The following DENND1B variants were observed in gnomAD, a reference collection of about 807,000 sequenced individuals.
DENND1B encodes DENN domain-containing protein 1B.
A neutral mutation model predicts 90.1 loss-of-function variants in DENND1B; 59 were observed. That is an observed-to-expected ratio of 0.65 (90% CI 0.53 to 0.81). The LOEUF is 0.81. DENND1B is among the 40% of genes least tolerant of loss of function. DENND1B has a pLI of 0.00. For synonymous variants in DENND1B, 337 were observed against 324.6 expected (o/e 1.04, Z -0.41); for missense variants, 862 against 912.6 (o/e 0.94, Z 0.71).
intron 5 of DENND1B, among the ~76,000 whole-genome samples, chr1:197,669,257 A>C (rs2125980309): frequency 6.6e-6 from 1 of 152,220 alleles, no homozygotes; most frequent in South Asian, 2.1e-4. Context: ...CTGCCACAGT[A>C]ATTTTTTTCT....
At chr1:197,707,135 T>A (rs1179423431) in intron 3 of DENND1B, among the ~76,000 whole-genome samples, 2 of 152,160 alleles carry the variant, frequency 1.3e-5, no homozygotes, top group African/African-American at 4.8e-5. Flanking sequence ...TGGAGGATAT[T>A]ATGTTAAGTG....
At chr1:197,511,979 T>G (rs920364457) in intron 21 of DENND1B, 35 bp from the exon 22 acceptor site, 1 of 1,514,714 alleles carries the variant, frequency 6.6e-7, no homozygotes, top group Non-Finnish European at 9.0e-7. Flanking sequence ...AGTAGGTAAA[T>G]AACCATATTT....
chr1:197,591,512 C>T (rs1373406582), intron 14 of DENND1B, among the ~76,000 whole-genome samples: 1 of 152,058 alleles, frequency 6.6e-6, no homozygotes, highest in Admixed American at 6.6e-5. Context: ...ATATTCAGTC[C>T]TGCTGTGTAG....
intron 3 of DENND1B, among the ~76,000 whole-genome samples, chr1:197,678,477 T>C (rs1406833730): frequency 6.6e-6 from 1 of 152,148 alleles, no homozygotes; most frequent in Non-Finnish European, 1.5e-5. Context: ...ATTTTGAATA[T>C]TATCCCCCAA....
At chr1:197,634,645 A>T (rs1311665353) in intron 10 of DENND1B, among the ~76,000 whole-genome samples, 2 of 152,196 alleles carry the variant, frequency 1.3e-5, no homozygotes, top group Admixed American at 6.6e-5. Flanking sequence ...ATTATCTAGT[A>T]GAAAATAGCT....
In DENND1B at chr1:197,648,825, C is replaced by T. The variant is rs534448658; in HGVS notation, c.448-1711G>A. On this transcript the variant is annotated intron_variant, in intron 7 of 22. Transcript: ENST00000620048. ...CTATAGCCTATTTGGGCAATTAGAA[C>T]TTAGCCTCTGCTCTGTGCTCTTCTA... Among the ~76,000 whole-genome samples the T allele has an allele frequency of 1.2e-4, 19 of 152,294 alleles. No individual in the cohort carries two copies. In the South Asian group the frequency reaches 3.9e-3, roughly 32 times the overall value.
rs548585521 is a variant in DENND1B at position 197,697,156 on chromosome 1, T to C, written c.126+17875A>G. On this transcript the variant is annotated intron_variant, in intron 3 of 22. Coordinates refer to ENST00000620048, the MANE Select transcript of DENND1B (RefSeq NM_001195215.2). ...ATAGTGTGTGAAGGAAGTCTGACCA[T>C]GCCCTCTCATTTGCTGAATATCTTC... Among the ~76,000 whole-genome samples, 118 of 150,176 alleles carry C rather than the reference T, an allele frequency of 7.9e-4. 1 individual carries two copies. The highest frequency in any genetic ancestry group is 4.7e-4 in the Non-Finnish European group (32 of 67,452).
At chr1:197,522,765 A>G (rs548166608) in intron 20 of DENND1B, among the ~76,000 whole-genome samples, 1 of 152,226 alleles carries the variant, frequency 6.6e-6, no homozygotes, top group East Asian at 1.9e-4. Flanking sequence ...AACCAAGTAA[A>G]CTGAATTTCA....
intron 2 of DENND1B, among the ~76,000 whole-genome samples, chr1:197,727,088 A>G (rs1375689461): frequency 6.6e-6 from 1 of 152,234 alleles, no homozygotes; most frequent in Non-Finnish European, 1.5e-5. Context: ...TAATGGATAA[A>G]TATCATTAAC....
At chr1:197,702,785 C>T (rs1277002738) in intron 3 of DENND1B, among the ~76,000 whole-genome samples, 4 of 152,086 alleles carry the variant, frequency 2.6e-5, no homozygotes, top group Non-Finnish European at 5.9e-5. Context: ...ATCATCTACC[C>T]CTCAAGTGTT....
chr1:197,577,496 G>C, intron 15 of DENND1B, among the ~76,000 whole-genome samples: 1 of 152,092 alleles, frequency 6.6e-6, no homozygotes, highest in East Asian at 1.9e-4. Flanking sequence ...AGAGGTTTTG[G>C]GGGAAAGGTT....
intron 2 of DENND1B, among the ~76,000 whole-genome samples, chr1:197,726,460 A>G (rs1251947193): frequency 1.3e-5 from 2 of 152,222 alleles, no homozygotes; most frequent in East Asian, 3.9e-4. Context: ...TGCAGCAATA[A>G]TGAAATAGGA....
intron 20 of DENND1B, among the ~76,000 whole-genome samples, chr1:197,515,826 A>C (rs114987491): frequency 0.022 from 3,370 of 151,926 alleles, 127 homozygotes; most frequent in African/African-American, 0.076. Context: ...TTGCCCAAGC[A>C]CACACACTTT....
chr1:197,684,115 A>G (rs1423046751), intron 3 of DENND1B, among the ~76,000 whole-genome samples: 1 of 152,246 alleles, frequency 6.6e-6, no homozygotes, highest in Non-Finnish European at 1.5e-5. Flanking sequence ...GATTTAAAAG[A>G]GTCTGCATGC....
chr1:197,655,774 C>T (rs531073894), intron 6 of DENND1B, among the ~76,000 whole-genome samples: 6 of 152,000 alleles, frequency 3.9e-5, no homozygotes, highest in Non-Finnish European at 7.4e-5. Context: ...CCTCGTGATC[C>T]GCCCGCCTCG....
chr1:197,732,978 AAG>A (rs1390332684), intron 2 of DENND1B, among the ~76,000 whole-genome samples: 1 of 152,210 alleles, frequency 6.6e-6, no homozygotes, highest in East Asian at 1.9e-4. Context: ...CCAAATTGGA[AAG>A]AGTCTTAATT....
At chr1:197,546,072 A>T (rs1670796161) in intron 17 of DENND1B, 82 bp from the exon 18 acceptor site, 2 of 1,200,968 alleles carry the variant, frequency 1.7e-6, no homozygotes, top group Admixed American at 5.8e-5. Flanking sequence ...TAAGTTGCAT[A>T]TTTAAAAAAA....
At chr1:197,530,664 A>G (rs1310079226) in intron 20 of DENND1B, among the ~76,000 whole-genome samples, 1 of 152,208 alleles carries the variant, frequency 6.6e-6, no homozygotes. Context: ...GAGAGAAATC[A>G]GATGGTGCCA....
intron 3 of DENND1B, 46 bp from the exon 4 acceptor site, chr1:197,674,215 T>C: frequency 7.0e-7 from 1 of 1,431,988 alleles, no homozygotes; most frequent in Non-Finnish European, 9.5e-7. Context: ...TTAGAATATT[T>C]TTTAAGAAGC....
Sources: allele counts gnomAD v4.1 joint callset (sites outside exome capture counted in the v4.1 genomes callset), GRCh38; gene constraint gnomAD v4.1.1; transcripts MANE v1.5; gene names NCBI Gene and HGNC (gene_info 2026-07-23, HGNC 2026-07-21).